The following CHGA variants were observed in gnomAD, a reference collection of about 807,000 sequenced individuals.
CHGA encodes the protein chromogranin-A.
Under a neutral mutation model 54.4 loss-of-function variants are expected in CHGA, and 41 were observed. That is an observed-to-expected ratio of 0.75 (90% CI 0.59 to 0.98). The LOEUF (loss-of-function observed/expected upper bound fraction) is 0.98. Ranked by LOEUF, CHGA falls within the 50% of genes least tolerant of loss-of-function variation. CHGA has a pLI of 0.00. For missense variants in CHGA, 576 were observed against 582.3 expected (o/e 0.99, Z 0.11); for synonymous variants, 249 against 232.8 (o/e 1.07, Z -0.63).
In CHGA at chr14:92,925,119, G is replaced by A. The variant is rs1886862081; in HGVS notation, c.93+874G>A. 2.0e-5 allele frequency among the ~76,000 whole-genome samples: 3 copies of A among 152,216 alleles called. No homozygotes were observed. In the South Asian group the frequency reaches 6.2e-4, roughly 31 times the overall value. ...ACTCATTCTAGCTGTGTGACCTTGG[G>A]AAAATTCCTTAATTTCTCTGAGCTC... On this transcript the variant is annotated intron_variant, in intron 2 of 7. Transcript: ENST00000216492.
At position 92,929,207 on chromosome 14, in the gene CHGA, G is replaced by A. The variant is rs557349752; in HGVS notation, c.257-510G>A. Among the ~76,000 whole-genome samples, 11 of 152,300 alleles carry A rather than the reference G, an allele frequency of 7.2e-5. No individual in the cohort carries two copies. In the East Asian group the frequency reaches 1.2e-3, roughly 16 times the overall value. On this transcript the variant is annotated intron_variant, in intron 4 of 7. Coordinates refer to ENST00000216492, the MANE Select transcript of CHGA (RefSeq NM_001275.4). The stretch of plus-strand genomic sequence containing the variant: ...AGGCACAGGGCTTGGCCTTCTCCCC[G>A]GGCCTGGACTCAGCGTCCAAGGTTA...
chr14:92,924,301 C>G, intron 2 of CHGA, 56 bp downstream of exon 2: 1 of 1,549,108 alleles, frequency 6.5e-7, no homozygotes, highest in Non-Finnish European at 8.7e-7. Flanking sequence ...ACTTCACAGC[C>G]AGTTCTTGGG....
chr14:92,935,018 CA>C lies in CHGA; in HGVS notation c.*135del, dbSNP rs1887094708. On this transcript the variant is annotated 3_prime_UTR_variant, in exon 8 of 8. Transcript: ENST00000216492. ...GCCTCCAGCCTGCCCAAGCCCAGGCCACCCTATCGCCCCCTACGCGCCTTGT... is the reference window on the plus strand; with the variant it reads ...GCCTCCAGCCTGCCCAAGCCCAGGCCCCCTATCGCCCCCTACGCGCCTTGT... 2 of 684,830 alleles carry C rather than the reference CA, an allele frequency of 2.9e-6. No individual in the cohort carries two copies. Among genetic ancestry groups the C allele is most frequent in the Non-Finnish European group, 4.7e-6 (2 of 425,426 alleles). 42.4% of individuals were successfully genotyped at this position (684,830 alleles called of 1,614,324 possible). A position where few individuals can be genotyped will look rare whatever the true frequency, so the allele number is the denominator to read the frequency against.
chr14:92,924,471 G>A (rs1886849004), intron 2 of CHGA, among the ~76,000 whole-genome samples: 1 of 152,262 alleles, frequency 6.6e-6, no homozygotes, highest in African/African-American at 2.4e-5. Context: ...TGCAGCGGAA[G>A]AGGCCTGCAT....
Position 92,931,381 on chromosome 14 carries a change from G to C in CHGA, c.487G>C (p.Ala163Pro), listed in dbSNP as rs777775128. 2.0e-5 allele frequency: 33 copies of C among 1,612,984 alleles called. No individual in the cohort carries two copies. In the East Asian group the frequency reaches 6.2e-4, roughly 30 times the overall value. ...ALPEPMQESKAEGNNQAPGEE... is the reference protein window; with the variant it reads ...ALPEPMQESKPEGNNQAPGEE... ...CCCGGAGCCCATGCAGGAGTCCAAGGCTGAGGGGAACAATCAGGCCCCTGG... is the reference window on the plus strand; with the variant it reads ...CCCGGAGCCCATGCAGGAGTCCAAGCCTGAGGGGAACAATCAGGCCCCTGG... The change falls in exon 6 of 8, where the codon GCT becomes CCT. Residue 163 changes from alanine (A) to proline (P), a missense_variant. Ala to Pro is a conservative substitution (Grantham distance 27). Transcript: ENST00000216492.
chr14:92,925,361 C>T (rs188292290), intron 2 of CHGA, among the ~76,000 whole-genome samples: 4 of 152,254 alleles, frequency 2.6e-5, no homozygotes, highest in East Asian at 3.9e-4. Context: ...ATGCAAGGTC[C>T]GGGGTTGCAG....
intron 1 of CHGA, 105 bp from the exon 2 acceptor site, chr14:92,924,094 T>G: frequency 7.7e-7 from 1 of 1,302,336 alleles, no homozygotes; most frequent in Non-Finnish European, 1.1e-6. Context: ...GGGGGCAGTT[T>G]TGAGGGGTGG....
intron 1 of CHGA, 88 bp downstream of exon 1, chr14:92,923,493 C>T: frequency 8.8e-7 from 1 of 1,131,380 alleles, no homozygotes. Flanking sequence ...CCCCGCACCC[C>T]TCCACACTTC....
At chr14:92,924,407 GCTTTCCCTGCTGTCCTGCTGTGGGGA>G (rs1347347749) in intron 2 of CHGA, among the ~76,000 whole-genome samples, 162 bp downstream of exon 2, 1 of 152,250 alleles carries the variant, frequency 6.6e-6, no homozygotes, top group Non-Finnish European at 1.5e-5. Context: ...AAGATTGCTT[GCTTTCCCTGCTGTCCTGCTGTGGGGA>G]CTTCCCCAGC....
chr14:92,926,371 G>A (rs2139668277), intron 2 of CHGA: 1 of 544,940 alleles, frequency 1.8e-6, no homozygotes, highest in Admixed American at 3.1e-5. Context: ...GAACCTGCTG[G>A]CCATGTGGTT....
At position 92,932,146 on chromosome 14, in the gene CHGA, C is replaced by T; in HGVS notation, c.809-224C>T. On this transcript the variant is annotated intron_variant, in intron 6 of 7. Coordinates refer to ENST00000216492, the MANE Select transcript of CHGA (RefSeq NM_001275.4). This position sits in a 1 kb window ranked among gnomAD's most constrained non-coding sequence, Gnocchi z 5.3. ...CTTTCCTCACTCTCCAGCTGCCGGG[C>T]TTCTGGGGTGAGGATGAGGGGAAGA... 1.8e-6 allele frequency: 1 copy of T among 547,662 alleles called. No individual in the cohort carries two copies. Among genetic ancestry groups the T allele is most frequent in the East Asian group, 3.4e-5 (1 of 29,148 alleles). The allele number at this position is 547,662 out of a possible 1,614,324, so 33.9% of individuals were successfully genotyped here.
chr14:92,934,829 T>C lies in CHGA; in HGVS notation c.1319T>C (p.Ile440Thr), dbSNP rs779875386. 5.7e-6 allele frequency: 9 copies of C among 1,589,276 alleles called. No homozygotes were observed. Among genetic ancestry groups the C allele is most frequent in the Non-Finnish European group, 6.0e-6 (7 of 1,168,986 alleles). ...EDQELESLSA[I>T]EAELEKVAHQ... ...CAGGAGCTGGAGAGCCTGTCGGCCA[T>C]TGAAGCAGAGCTGGAGAAAGTGGCC... Residue 440 changes from isoleucine (I) to threonine (T), a missense_variant, in exon 8 of 8, where the codon ATT (isoleucine) becomes ACT (threonine). Ile to Thr is a moderately conservative substitution (Grantham distance 89). Transcript: ENST00000216492.
At chr14:92,924,107 T>G (rs1051540965) in intron 1 of CHGA, 92 bp from the exon 2 acceptor site, 9 of 1,397,086 alleles carry the variant, frequency 6.4e-6, no homozygotes, top group African/African-American at 5.7e-5. Flanking sequence ...AGGGGTGGCA[T>G]TGGGTGAACG....
chr14:92,934,221 G>A (rs1271439108), intron 7 of CHGA, among the ~76,000 whole-genome samples: 4 of 152,232 alleles, frequency 2.6e-5, no homozygotes, highest in African/African-American at 9.6e-5. Flanking sequence ...GCATAGAACA[G>A]GGCTCAGAGG....
At chr14:92,924,121 C>T in intron 1 of CHGA, 78 bp from the exon 2 acceptor site, 1 of 1,505,738 alleles carries the variant, frequency 6.6e-7, no homozygotes, top group South Asian at 1.2e-5. Context: ...GTGAACGGGC[C>T]CCAGTGAGCC....
Position 92,933,146 on chromosome 14 carries a change from C to A in CHGA, c.1290+295C>A, listed in dbSNP as rs112054623. ...AGTAGGGTGCCCTGGAAAAACCATG[C>A]GGTGGGTCTGACCGTGTCCCCTCCT... On this transcript the variant is annotated intron_variant, in intron 7 of 7. Coordinates refer to ENST00000216492, the MANE Select transcript of CHGA (RefSeq NM_001275.4). The A allele has an allele frequency of 6.2e-5, 20 of 322,272 alleles. No homozygotes were observed. The East Asian group carries it at 1.0e-3, about 17-fold the overall frequency. 20.0% of individuals were successfully genotyped at this position (322,272 alleles called of 1,614,324 possible). A position where few individuals can be genotyped will look rare whatever the true frequency, so the allele number is the denominator to read the frequency against.
rs541651281 is a variant in CHGA at position 92,928,787 on chromosome 14, G to A, written c.257-930G>A. 4.6e-5 allele frequency among the ~76,000 whole-genome samples: 7 copies of A among 152,298 alleles called. No homozygotes were observed. In the South Asian group the frequency reaches 1.5e-3, roughly 32 times the overall value. ...TATATATGACTATTTTCCATTAACAGATTCCTGGATGTATTTCTGTCCATC... is the reference window on the plus strand; with the variant it reads ...TATATATGACTATTTTCCATTAACAAATTCCTGGATGTATTTCTGTCCATC... On this transcript the variant is annotated intron_variant, in intron 4 of 7. Coordinates refer to ENST00000216492, the MANE Select transcript of CHGA (RefSeq NM_001275.4).
chr14:92,923,661 G>A (rs936491302), intron 1 of CHGA, among the ~76,000 whole-genome samples: 5 of 152,228 alleles, frequency 3.3e-5, no homozygotes, highest in African/African-American at 1.2e-4. Flanking sequence ...TCTGGGCTTG[G>A]CGCCTCGGTT....
chr14:92,932,597 GA>G lies in CHGA; in HGVS notation c.1037del (p.Asp346AlafsTer7). 6.4e-7 allele frequency: 1 copy of G among 1,574,534 alleles called. No individual in the cohort carries two copies. The highest frequency in any genetic ancestry group is 8.6e-7 in the Non-Finnish European group (1 of 1,160,360). On this transcript the variant is annotated frameshift_variant, in exon 7 of 8. Coordinates refer to ENST00000216492, the MANE Select transcript of CHGA (RefSeq NM_001275.4). LOFTEE classifies it high-confidence loss of function. The surrounding 1 kb of genome is among the most constrained non-coding windows in gnomAD (Gnocchi z 5.3). ...WEDSKRWSKM[D>X]QLAKELTAEK... Reference sequence around the variant, plus strand: ...GGACTCCAAACGCTGGAGCAAGATGGACCAGCTGGCCAAGGAGCTGACGGCT... The same window carrying G: ...GGACTCCAAACGCTGGAGCAAGATGGCCAGCTGGCCAAGGAGCTGACGGCT...
Sources: gnomAD v4.1 joint callset for allele counts (sites outside exome capture counted in the v4.1 genomes callset) on GRCh38, gnomAD v4.1.1 for gene constraint, Gnocchi (gnomAD v3.1) non-coding constraint, MANE v1.5 for transcripts, NCBI Gene and HGNC (gene_info 2026-07-23, HGNC 2026-07-21) for gene names.